Variants in GPR149 observed in about 807,000 individuals in gnomAD.
The protein encoded by GPR149 is G protein-coupled receptor 149.
A neutral mutation model predicts 50.2 loss-of-function variants in GPR149; 50 were observed. The observed-to-expected ratio is 1.00, with a 90% CI of 0.79 to 1.26. The LOEUF is 1.26. GPR149 is among the 50% of genes most tolerant of loss of function. The pLI is 0.00. For synonymous variants in GPR149, 405 were observed against 358.2 expected, an observed-to-expected ratio of 1.13 and a Z score of -1.48; for missense variants, 983 against 895.4, an observed-to-expected ratio of 1.10 and a Z score of -1.25.
At chr3:154,363,044 G>A (rs1179467696) in intron 3 of GPR149, among the ~76,000 whole-genome samples, 2 of 152,120 alleles carry the variant, frequency 1.3e-5, no homozygotes, top group Non-Finnish European at 2.9e-5. Flanking sequence ...TAGAAAGAAA[G>A]AGCATGGCAT....
chr3:154,387,608 C>T (rs1715074897), intron 3 of GPR149, among the ~76,000 whole-genome samples: 1 of 151,984 alleles, frequency 6.6e-6, no homozygotes, highest in Non-Finnish European at 1.5e-5. Context: ...AAATTATTTC[C>T]CCAGTTCAAT....
intron 3 of GPR149, among the ~76,000 whole-genome samples, chr3:154,393,733 C>A (rs972748907): frequency 2.0e-5 from 3 of 151,830 alleles, no homozygotes; most frequent in Non-Finnish European, 4.4e-5. Context: ...CAGCAGGATA[C>A]AAAATCAACA....
chr3:154,380,865 G>A (rs935176900), intron 3 of GPR149, among the ~76,000 whole-genome samples: 1 of 152,028 alleles, frequency 6.6e-6, no homozygotes, highest in Non-Finnish European at 1.5e-5. Context: ...CAATGACCAG[G>A]CTCCATTAGC....
chr3:154,367,343 C>CT (rs60572329), intron 3 of GPR149, among the ~76,000 whole-genome samples: 2 of 143,830 alleles, frequency 1.4e-5, no homozygotes, highest in Non-Finnish European at 3.2e-5. Context: ...CCTTCCCCCC[C>CT]CCGAAACTAA....
chr3:154,426,398 C>T (rs1712294713), intron 2 of GPR149, among the ~76,000 whole-genome samples: 1 of 152,124 alleles, frequency 6.6e-6, no homozygotes, highest in Non-Finnish European at 1.5e-5. Flanking sequence ...GCAGAGTATA[C>T]TTTGATATCC....
intron 3 of GPR149, among the ~76,000 whole-genome samples, chr3:154,361,181 T>C (rs1289552238): frequency 1.3e-5 from 2 of 152,174 alleles, no homozygotes; most frequent in Non-Finnish European, 2.9e-5. Flanking sequence ...AACTGAAAAT[T>C]CTAGTGGTAT....
At chr3:154,389,160 G>C (rs981483119) in intron 3 of GPR149, among the ~76,000 whole-genome samples, 1 of 152,100 alleles carries the variant, frequency 6.6e-6, no homozygotes, top group Non-Finnish European at 1.5e-5. Context: ...AATTCAATCA[G>C]TAATGTCAGC....
Position 154,429,838 on chromosome 3 carries a change from G to T in GPR149, c.-223C>A. The T allele has an allele frequency of 2.5e-6, 1 of 393,566 alleles. No homozygotes were observed. 24.4% of individuals were successfully genotyped at this position (393,566 alleles called of 1,614,324 possible). A position where few individuals can be genotyped will look rare whatever the true frequency, so the allele number is the denominator to read the frequency against. On this transcript the variant is annotated 5_prime_UTR_variant, in exon 1 of 4. Coordinates refer to ENST00000389740, the MANE Select transcript of GPR149 (RefSeq NM_001038705.3). Reference sequence around the variant, plus strand: ...TTCAAGCATAAAAAAAAAAAAACCCGAACAGATAACTTTTCAACATTCCAA... The same window carrying T: ...TTCAAGCATAAAAAAAAAAAAACCCTAACAGATAACTTTTCAACATTCCAA...
intron 3 of GPR149, among the ~76,000 whole-genome samples, chr3:154,343,321 A>G (rs1048777124): frequency 6.6e-6 from 1 of 152,084 alleles, no homozygotes; most frequent in Non-Finnish European, 1.5e-5. Flanking sequence ...GTGGCTTGGC[A>G]TTTCACTTTC....
intron 3 of GPR149, among the ~76,000 whole-genome samples, chr3:154,357,163 C>A (rs1349839842): frequency 1.3e-5 from 2 of 152,112 alleles, no homozygotes; most frequent in Non-Finnish European, 2.9e-5. Context: ...CTTCCTTACA[C>A]CTTATACAAA....
intron 3 of GPR149, among the ~76,000 whole-genome samples, chr3:154,404,510 T>C (rs1399622862): frequency 6.6e-6 from 1 of 152,168 alleles, no homozygotes; most frequent in African/African-American, 2.4e-5. Context: ...CTTCTATGGG[T>C]GAGATTGTGA....
At position 154,338,129 on chromosome 3, in the gene GPR149, A is replaced by G. The variant is rs1161248529; in HGVS notation, c.1766T>C (p.Ile589Thr). 3 of 1,614,036 alleles carry G rather than the reference A, an allele frequency of 1.9e-6. No homozygotes were observed. Among genetic ancestry groups the G allele is most frequent in the East Asian group, 2.2e-5 (1 of 44,868 alleles). Residue 589 changes from isoleucine to threonine, a missense_variant, in exon 4 of 4, where the codon ATA becomes ACA. Transcript: ENST00000389740. Reference sequence around the variant, plus strand: ...AACACTTTTGGATCGATAGACTTCTATTTTCTTAGAGGCTGGAGTTATTTT... The same window carrying G: ...AACACTTTTGGATCGATAGACTTCTGTTTTCTTAGAGGCTGGAGTTATTTT... ...GQKITPASKK[I>T]EVYRSKSVGH...
chr3:154,340,169 G>A (rs1006674469), intron 3 of GPR149, among the ~76,000 whole-genome samples: 2 of 152,046 alleles, frequency 1.3e-5, no homozygotes, highest in Non-Finnish European at 2.9e-5. Context: ...ATTCTTTCCT[G>A]GTTATTCTCT....
chr3:154,365,490 C>T (rs541766802), intron 3 of GPR149, among the ~76,000 whole-genome samples: 27 of 152,284 alleles, frequency 1.8e-4, no homozygotes, highest in African/African-American at 6.3e-4. Context: ...CTTAACCATA[C>T]TTTTGTTCTT....
chr3:154,424,881 CA>C (rs564951442), intron 2 of GPR149, among the ~76,000 whole-genome samples: 3,048 of 127,554 alleles, frequency 0.024, 61 homozygotes, highest in African/African-American at 0.07. Flanking sequence ...ATCATTTTGT[CA>C]AAAAAAAAAA....
intron 2 of GPR149, among the ~76,000 whole-genome samples, chr3:154,422,253 A>G (rs1396715663): frequency 6.6e-6 from 1 of 151,684 alleles, no homozygotes; most frequent in African/African-American, 2.4e-5. Flanking sequence ...TAATTATAGT[A>G]CTATTAGTTG....
At chr3:154,361,845 T>C (rs1253234915) in intron 3 of GPR149, among the ~76,000 whole-genome samples, 1 of 152,210 alleles carries the variant, frequency 6.6e-6, no homozygotes, top group Non-Finnish European at 1.5e-5. Context: ...AGACATGTTG[T>C]TTACAAATGC....
At chr3:154,393,705 A>G (rs1200301392) in intron 3 of GPR149, among the ~76,000 whole-genome samples, 2 of 152,022 alleles carry the variant, frequency 1.3e-5, no homozygotes, top group Admixed American at 6.6e-5. Context: ...ATTATAATTA[A>G]TAAATGACTC....
chr3:154,344,297 G>A (rs1483187805), intron 3 of GPR149, among the ~76,000 whole-genome samples: 2 of 152,168 alleles, frequency 1.3e-5, no homozygotes, highest in East Asian at 3.8e-4. Flanking sequence ...ACAAACCACA[G>A]TGTAGCCAAC....
Sources: gnomAD v4.1 joint callset for allele counts (sites outside exome capture counted in the v4.1 genomes callset) on GRCh38, gnomAD v4.1.1 for gene constraint, MANE v1.5 for transcripts, NCBI Gene and HGNC (gene_info 2026-07-23, HGNC 2026-07-21) for gene names.